The following PPM1A variants were observed in gnomAD, a reference collection of about 807,000 sequenced individuals.
PPM1A encodes protein phosphatase 1A.
Under a neutral mutation model 35.0 loss-of-function variants are expected in PPM1A, and 7 were observed. The ratio of observed to expected loss-of-function variants is 0.20; its 90% confidence interval spans 0.11 to 0.38. The LOEUF (loss-of-function observed/expected upper bound fraction) is 0.38, where lower values mean the gene tolerates loss of function less well. Among genes scored for constraint, PPM1A ranks in the 10% least tolerant of loss-of-function variants. PPM1A has a pLI of 1.00. For synonymous variants in PPM1A, 153 were observed against 167.3 expected (o/e 0.91, Z 0.66); for missense variants, 239 against 467.8 (o/e 0.51, Z 4.51).
chr14:60,262,684 TCAAA>T (rs543957901), intron 1 of PPM1A, among the ~76,000 whole-genome samples: 4 of 152,134 alleles, frequency 2.6e-5, no homozygotes, highest in African/African-American at 7.2e-5. Context: ...ACACCCTACC[TCAAA>T]CAAACAAACA....
chr14:60,276,183 G>T (rs1369985557), intron 1 of PPM1A, among the ~76,000 whole-genome samples: 1 of 152,168 alleles, frequency 6.6e-6, no homozygotes, highest in African/African-American at 2.4e-5. Flanking sequence ...GAGCAATGTA[G>T]AATATAAAGA....
chr14:60,249,257 G>C lies in PPM1A; in HGVS notation c.-441G>C, dbSNP rs1376364847. 1 of 986,998 alleles carries C rather than the reference G, an allele frequency of 1.0e-6. No individual in the cohort carries two copies. Among genetic ancestry groups the C allele is most frequent in the Admixed American group, 6.2e-5 (1 of 16,174 alleles). The allele number at this position is 986,998 out of a possible 1,614,324, so 61.1% of individuals were successfully genotyped here. A position where few individuals can be genotyped will look rare whatever the true frequency, so the allele number is the denominator to read the frequency against. On this transcript the variant is annotated 5_prime_UTR_variant, in exon 1 of 6. Coordinates refer to ENST00000395076, the MANE Select transcript of PPM1A (RefSeq NM_021003.5). The surrounding 1 kb of genome is among the most constrained non-coding windows in gnomAD (Gnocchi z 4.5). Reference sequence around the variant, plus strand: ...CGGCGGCGGTGGCGGCGCTAGGGACGGGAGCGCGCGCGGGAGCTAGAGAGC... The same window carrying C: ...CGGCGGCGGTGGCGGCGCTAGGGACCGGAGCGCGCGCGGGAGCTAGAGAGC...
rs1290332577 is a variant in PPM1A at position 60,249,691 on chromosome 14, TCGGGCCGACGG to T, written c.-21+20_-21+30del. 2 of 982,420 alleles carry T rather than the reference TCGGGCCGACGG, an allele frequency of 2.0e-6. No homozygotes were observed. Among genetic ancestry groups the T allele is most frequent in the Non-Finnish European group, 2.4e-6 (2 of 829,066 alleles). 60.9% of individuals were successfully genotyped at this position (982,420 alleles called of 1,614,324 possible). On this transcript the variant is annotated intron_variant, in intron 1 of 5. Transcript: ENST00000395076. This position sits in a 1 kb window ranked among gnomAD's most constrained non-coding sequence, Gnocchi z 4.5. ...CGGCTGCTCCGGGTAAGTGCGGCGC[TCGGGCCGACGG>T]CGGGCTGGCGGGCGGTGCGGGCCTG...
upstream of PPM1A, among the ~76,000 whole-genome samples, chr14:60,249,076 C>T (rs1294444613): frequency 6.6e-6 from 1 of 151,948 alleles, no homozygotes; most frequent in Non-Finnish European, 1.5e-5. This position sits in a 1 kb window ranked among gnomAD's most constrained non-coding sequence, Gnocchi z 4.5. Flanking sequence ...CAGCCCTCAC[C>T]GCAGTTCCTG....
Position 60,282,675 on chromosome 14 carries a change from C to T in PPM1A, c.-20-9C>T, listed in dbSNP as rs1595356812. 1.2e-6 allele frequency: 2 copies of T among 1,606,850 alleles called. No individual in the cohort carries two copies. The highest frequency in any genetic ancestry group is 1.7e-6 in the Non-Finnish European group (2 of 1,175,536). On this transcript the variant is annotated splice_polypyrimidine_tract_variant and intron_variant, in intron 1 of 5. Transcript: ENST00000395076. This position sits in a 1 kb window ranked among gnomAD's most constrained non-coding sequence, Gnocchi z 5.1. The stretch of plus-strand genomic sequence containing the variant: ...AGTTATTGACTTTCCTGTTTCTCTT[C>T]CTTTGCAGACCTAGAGGATCAAGAC...
At chr14:60,277,773 G>A (rs1042243113) in intron 1 of PPM1A, among the ~76,000 whole-genome samples, 2 of 152,180 alleles carry the variant, frequency 1.3e-5, no homozygotes, top group African/African-American at 2.4e-5. Flanking sequence ...CTCTGTATGG[G>A]TGCCTTGCAA....
rs950149400 is a variant in PPM1A, at chr14:60,292,930, A to C, written c.*448A>C. The C allele has an allele frequency of 1.3e-5, 2 of 153,642 alleles. No individual in the cohort carries two copies. The highest frequency in any genetic ancestry group is 4.8e-5 in the African/African-American group (2 of 41,444). 9.5% of individuals were successfully genotyped at this position (153,642 alleles called of 1,614,324 possible). ...GGTTGGAACAGGGAGAGCAGCAGCCATGTCAGCTACACGCTCAAATGTGCA... is the reference window on the plus strand; with the variant it reads ...GGTTGGAACAGGGAGAGCAGCAGCCCTGTCAGCTACACGCTCAAATGTGCA... On this transcript the variant is annotated 3_prime_UTR_variant, in exon 6 of 6. Transcript: ENST00000395076. The surrounding 1 kb of genome is among the most constrained non-coding windows in gnomAD (Gnocchi z 4.2).
At chr14:60,265,059 T>A (rs28437299) in intron 1 of PPM1A, among the ~76,000 whole-genome samples, 11,428 of 152,256 alleles carry the variant, frequency 0.075, 720 homozygotes, top group African/African-American at 0.18. Context: ...TGTTGTGTTT[T>A]CTTTTTCACT....
chr14:60,257,333 T>G (rs1432070588), intron 1 of PPM1A, among the ~76,000 whole-genome samples: 1 of 152,184 alleles, frequency 6.6e-6, no homozygotes, highest in African/African-American at 2.4e-5. Flanking sequence ...CAGGTCTTGT[T>G]TCATTCATTT....
chr14:60,267,564 G>A (rs769521911), intron 1 of PPM1A, among the ~76,000 whole-genome samples: 9 of 151,834 alleles, frequency 5.9e-5, no homozygotes, highest in Admixed American at 4.6e-4. Context: ...GATTATGATA[G>A]GTTTGTAAAA....
rs749534140 is a variant in PPM1A, at chr14:60,289,923, C to T, written c.1061+9C>T. The T allele has an allele frequency of 3.3e-6, 5 of 1,525,398 alleles. No homozygotes were observed. The highest frequency in any genetic ancestry group is 4.1e-5 in the Admixed American group (2 of 48,770). The allele number at this position is 1,525,398 out of a possible 1,614,324, so 94.5% of individuals were successfully genotyped here. A position where few individuals can be genotyped will look rare whatever the true frequency, so the allele number is the denominator to read the frequency against. On this transcript the variant is annotated intron_variant, in intron 4 of 5. Coordinates refer to ENST00000395076, the MANE Select transcript of PPM1A (RefSeq NM_021003.5). The surrounding 1 kb of genome is among the most constrained non-coding windows in gnomAD (Gnocchi z 4.1). ...GGTGAATTGGCAAGCAAGTAAGTTA[C>T]ATTCTGTACACTCTTATGCTTTATG... is the stretch of plus-strand genomic sequence containing the variant.
intron 1 of PPM1A, among the ~76,000 whole-genome samples, chr14:60,275,459 A>AT (rs747548841): frequency 3.9e-4 from 59 of 152,230 alleles, no homozygotes; most frequent in Admixed American, 9.2e-4. Context: ...TCAAAATCAA[A>AT]TTTGTAACTA....
rs917042565 is a variant in PPM1A, at chr14:60,297,936, C to T, written c.*5454C>T. ...TCTAAAGTACAATAGGGCATCATCC[C>T]TTTTCCTGCAAAGCCCAAAAGTATA... On this transcript the variant is annotated 3_prime_UTR_variant, in exon 6 of 6. Transcript: ENST00000395076. 1.3e-5 allele frequency: 2 copies of T among 151,590 alleles called. No individual in the cohort carries two copies. Among genetic ancestry groups the T allele is most frequent in the Non-Finnish European group, 3.0e-5 (2 of 67,636 alleles). The allele number at this position is 151,590 out of a possible 1,614,324, so 9.4% of individuals were successfully genotyped here. A position where few individuals can be genotyped will look rare whatever the true frequency, so the allele number is the denominator to read the frequency against.
At position 60,269,330 on chromosome 14, in the gene PPM1A, G is replaced by T. The variant is rs1188200889; in HGVS notation, c.-20-13354G>T. On this transcript the variant is annotated intron_variant, in intron 1 of 5. Transcript: ENST00000395076. ...GTTTATTTTTTCAGAAATGAAACAT[G>T]GATAACACTACTTTAGTGCTGGCAT... Among the ~76,000 whole-genome samples the T allele has an allele frequency of 2.6e-5, 4 of 152,192 alleles. No homozygotes were observed. The East Asian group carries it at 7.7e-4, about 29-fold the overall frequency.
Position 60,273,187 on chromosome 14 carries a change from A to C in PPM1A, c.-20-9497A>C. ...CTGATTTTGAGTTTATTCAGCAAAT[A>C]TTTATTAATGATTTACTGTATACTC... is the stretch of plus-strand genomic sequence containing the variant. On this transcript the variant is annotated intron_variant, in intron 1 of 5. Transcript: ENST00000395076. This position sits in a 1 kb window ranked among gnomAD's most constrained non-coding sequence, Gnocchi z 4.3. Among the ~76,000 whole-genome samples, 1 of 152,110 alleles carries C rather than the reference A, an allele frequency of 6.6e-6. No homozygotes were observed. The highest frequency in any genetic ancestry group is 1.9e-4 in the East Asian group (1 of 5,190).
At chr14:60,246,108 G>C, upstream of PPM1A, 1 of 1,440,200 alleles carries the variant, frequency 6.9e-7, no homozygotes, top group East Asian at 2.4e-5. Flanking sequence ...CTCTTGAGTA[G>C]TGACTGGCTT....
chr14:60,260,632 G>A (rs1281433344), intron 1 of PPM1A, among the ~76,000 whole-genome samples: 10 of 152,008 alleles, frequency 6.6e-5, no homozygotes, highest in Non-Finnish European at 1.5e-4. Flanking sequence ...TTTAATTTTA[G>A]AACATTTTCA....
intron 1 of PPM1A, among the ~76,000 whole-genome samples, chr14:60,258,000 G>A (rs997291223): frequency 1.3e-5 from 2 of 152,120 alleles, no homozygotes; most frequent in African/African-American, 4.8e-5. Context: ...TTGCCAAGGG[G>A]CCAATCTTAG....
At chr14:60,251,034 C>A (rs912358004) in intron 1 of PPM1A, among the ~76,000 whole-genome samples, 4 of 152,172 alleles carry the variant, frequency 2.6e-5, no homozygotes, top group African/African-American at 9.7e-5. Context: ...TTAATGCTTT[C>A]TTTACCAATA....
Sources: gnomAD v4.1 joint callset for allele counts (sites outside exome capture counted in the v4.1 genomes callset) on GRCh38, gnomAD v4.1.1 for gene constraint, Gnocchi (gnomAD v3.1) non-coding constraint, MANE v1.5 for transcripts, NCBI Gene and HGNC (gene_info 2026-07-23, HGNC 2026-07-21) for gene names.